The following PRMT7 variants were observed in gnomAD, a reference collection of about 807,000 sequenced individuals.
The protein encoded by PRMT7 is protein arginine methyltransferase 7.
Under a neutral mutation model 85.4 loss-of-function variants are expected in PRMT7, and 75 were observed. The ratio of observed to expected loss-of-function variants is 0.88; its 90% CI spans 0.73 to 1.06. PRMT7 has a LOEUF of 1.06. Ranked by LOEUF, PRMT7 falls within the 50% of genes least tolerant of loss-of-function variation. The pLI is 0.00. For synonymous variants in PRMT7, 397 were observed against 359.5 expected, an observed-to-expected ratio of 1.10 and a Z score of -1.18; for missense variants, 868 against 915.2, an observed-to-expected ratio of 0.95 and a Z score of 0.67.
chr16:68,356,855 G>A, intron 18 of PRMT7, 58 bp downstream of exon 18: 1 of 1,517,282 alleles, frequency 6.6e-7, no homozygotes, highest in Non-Finnish European at 9.0e-7. Context: ...GGCGCCGCCT[G>A]GGGAGGCCTC....
chr16:68,316,000 G>A lies in PRMT7; in HGVS notation c.21G>A (p.Arg7=). 6.2e-7 allele frequency: 1 copy of A among 1,613,648 alleles called. No homozygotes were observed. Among genetic ancestry groups the A allele is most frequent in the Non-Finnish European group, 8.5e-7 (1 of 1,179,934 alleles). Residue 7 remains arginine, a synonymous_variant, in exon 3 of 19, where the codon CGG becomes CGA. Coordinates refer to ENST00000441236, the MANE Select transcript of PRMT7 (RefSeq NM_019023.5). The part of the protein sequence containing the change: MKIFCS[R]ANPTTGSVEW... ...GCACCATGAAGATCTTCTGCAGTCG[G>A]GCCAATCCGACCACGGGGTCTGTGG...
At position 68,324,836 on chromosome 16, in the gene PRMT7, A is replaced by C; in HGVS notation, c.282+4A>C. 6.2e-7 allele frequency: 1 copy of C among 1,613,814 alleles called. No individual in the cohort carries two copies. The highest frequency in any genetic ancestry group is 8.5e-7 in the Non-Finnish European group (1 of 1,180,014). ...CGACTTCTGCTATGCCATCGAGGTA[A>C]GCCATTCCCTTCAGGTGTGTGTCCT... On this transcript the variant is annotated splice_donor_region_variant and intron_variant, in intron 5 of 18. Transcript: ENST00000441236.
Position 68,348,727 on chromosome 16 carries a change from C to T in PRMT7, c.1413+296C>T, listed in dbSNP as rs143029795. ...GCACGATCTTGGCTTACTGCAGCCT[C>T]GACCTTCCAGCCTCAAGCGATCCTC... On this transcript the variant is annotated intron_variant, in intron 14 of 18. Transcript: ENST00000441236. Among the ~76,000 whole-genome samples, 1,039 of 149,622 alleles carry T rather than the reference C, an allele frequency of 6.9e-3. 6 individuals carry two copies. The highest frequency in any genetic ancestry group is 0.013 in the Admixed American group (194 of 14,820).
intron 16 of PRMT7, 111 bp downstream of exon 16, chr16:68,353,677 C>A: frequency 2.1e-6 from 2 of 973,750 alleles, no homozygotes; most frequent in South Asian, 4.0e-5. Flanking sequence ...GCAGTGAGGT[C>A]AGGTGCTGCC....
At chr16:68,339,165 C>T (rs13332143) in intron 7 of PRMT7, among the ~76,000 whole-genome samples, 157 bp from the exon 8 acceptor site, 4,866 of 152,218 alleles carry the variant, frequency 0.032, 251 homozygotes, top group African/African-American at 0.11. Flanking sequence ...TTTCCAAGGG[C>T]ATAGGGCTGA....
intron 3 of PRMT7, among the ~76,000 whole-genome samples, chr16:68,318,076 A>G (rs1202367575): frequency 2.0e-5 from 3 of 152,204 alleles, no homozygotes; most frequent in Non-Finnish European, 2.9e-5. Flanking sequence ...TTAATATAAA[A>G]TAATATATAC....
At chr16:68,313,881 G>A (rs2044315074) in intron 2 of PRMT7, among the ~76,000 whole-genome samples, 1 of 152,188 alleles carries the variant, frequency 6.6e-6, no homozygotes, top group Non-Finnish European at 1.5e-5. Context: ...GCTGTAGAGT[G>A]TAATGATCAT....
intron 5 of PRMT7, among the ~76,000 whole-genome samples, chr16:68,328,755 G>A (rs1044549255): frequency 2.0e-5 from 3 of 152,090 alleles, no homozygotes; most frequent in Non-Finnish European, 4.4e-5. Context: ...TCCCAGGTTC[G>A]TGAGGCAAGT....
Position 68,316,020 on chromosome 16 carries a change from C to A in PRMT7, c.41C>A (p.Ser14Tyr). 6.2e-7 allele frequency: 1 copy of A among 1,613,758 alleles called. No individual in the cohort carries two copies. Among genetic ancestry groups the A allele is most frequent in the Non-Finnish European group, 8.5e-7 (1 of 1,179,972 alleles). Reference sequence around the variant, plus strand: ...AGTCGGGCCAATCCGACCACGGGGTCTGTGGAGTGGCTGGAGGAGGATGAA... The same window carrying A: ...AGTCGGGCCAATCCGACCACGGGGTATGTGGAGTGGCTGGAGGAGGATGAA... ...FCSRANPTTG[S>Y]VEWLEEDEHY... The change falls in exon 3 of 19, where the codon TCT becomes TAT. Residue 14 changes from serine to tyrosine, a missense_variant. Physicochemically the swap from Ser to Tyr is moderately radical, Grantham distance 144. Transcript: ENST00000441236.
At chr16:68,353,853 A>G (rs1214696407) in intron 16 of PRMT7, among the ~76,000 whole-genome samples, 1 of 152,226 alleles carries the variant, frequency 6.6e-6, no homozygotes, top group Non-Finnish European at 1.5e-5. Flanking sequence ...TCCAGAGGCC[A>G]TCTGGGAACC....
downstream of PRMT7, chr16:68,359,530 A>G (rs1322186938): frequency 6.5e-6 from 1 of 152,762 alleles, no homozygotes; most frequent in Non-Finnish European, 1.5e-5. Context: ...AGGGCCAGGC[A>G]TCTGGCTGGC....
intron 6 of PRMT7, among the ~76,000 whole-genome samples, chr16:68,333,296 A>G (rs761921044): frequency 1.3e-5 from 2 of 152,160 alleles, no homozygotes; most frequent in African/African-American, 2.4e-5. Context: ...CAGCCTGACC[A>G]ACTTGGAGAA....
intron 6 of PRMT7, among the ~76,000 whole-genome samples, chr16:68,337,141 G>C (rs1347033007): frequency 6.6e-6 from 1 of 152,132 alleles, no homozygotes; most frequent in Non-Finnish European, 1.5e-5. Flanking sequence ...GGTATTTATA[G>C]TTTTCTTATC....
chr16:68,346,562 CGGTGGATTA>C (rs1261864769), intron 11 of PRMT7, among the ~76,000 whole-genome samples: 2 of 100,740 alleles, frequency 2.0e-5, no homozygotes, highest in African/African-American at 1.0e-4. Flanking sequence ...TGGGTGGTCA[CGGTGGATTA>C]GGCCACCCCC....
At chr16:68,324,482 C>T in intron 4 of PRMT7, 1 of 602,898 alleles carries the variant, frequency 1.7e-6, no homozygotes, top group Non-Finnish European at 2.9e-6. Flanking sequence ...GAGTGTGGAG[C>T]AGGGACAGTC....
chr16:68,355,595 G>T (rs887118351), intron 16 of PRMT7, 128 bp from the exon 17 acceptor site: 8 of 1,004,942 alleles, frequency 8.0e-6, no homozygotes, highest in African/African-American at 3.4e-5. Context: ...TCTGCTGGGC[G>T]CTCGGCATCT....
chr16:68,324,894 C>T (rs1200704647), intron 5 of PRMT7, 62 bp downstream of exon 5: 1 of 1,591,870 alleles, frequency 6.3e-7, no homozygotes, highest in Non-Finnish European at 8.6e-7. Flanking sequence ...TATGCTCTTG[C>T]ACTTTCCCCG....
intron 6 of PRMT7, among the ~76,000 whole-genome samples, chr16:68,336,397 C>T (rs1283785826): frequency 2.0e-5 from 3 of 152,160 alleles, no homozygotes; most frequent in Non-Finnish European, 2.9e-5. Context: ...TGACAAGGCG[C>T]TTTCATTAAG....
chr16:68,356,110 C>G (rs988715097), intron 17 of PRMT7, among the ~76,000 whole-genome samples: 1 of 152,224 alleles, frequency 6.6e-6, no homozygotes, highest in African/African-American at 2.4e-5. Flanking sequence ...TGCTCCCCCT[C>G]TACAGCTGAG....
Sources: allele counts gnomAD v4.1 joint callset (sites outside exome capture counted in the v4.1 genomes callset), GRCh38; gene constraint gnomAD v4.1.1; transcripts MANE v1.5; gene names NCBI Gene and HGNC (gene_info 2026-07-23, HGNC 2026-07-21).